Variants in GMPS observed in about 807,000 individuals in gnomAD.
The protein encoded by GMPS is GMP synthase [glutamine-hydrolyzing].
Under a neutral mutation model 77.9 loss-of-function variants are expected in GMPS, and 15 were observed. That is an observed-to-expected ratio of 0.19 (90% CI 0.13 to 0.30). The LOEUF is 0.30. Among genes scored for constraint, GMPS ranks in the 10% least tolerant of loss-of-function variants. The pLI is 1.00. For missense variants in GMPS, 590 were observed against 838.8 expected, an observed-to-expected ratio of 0.70 and a Z score of 3.66; for synonymous variants, 224 against 275.9, an observed-to-expected ratio of 0.81 and a Z score of 1.86.
rs1445087693 is a variant in GMPS, at chr3:155,938,892, TTC to T, written c.*1205_*1206del. On this transcript the variant is annotated 3_prime_UTR_variant, in exon 16 of 16. Transcript: ENST00000496455. ...ACAGTAGTAGACTTAAACTCTCCGT[TTC>T]TCTCAGTATTTTAGCTAAGAATGTT... The T allele has an allele frequency of 4.6e-6, 1 of 215,354 alleles. No individual in the cohort carries two copies. Among genetic ancestry groups the T allele is most frequent in the African/African-American group, 2.3e-5 (1 of 44,366 alleles). The allele number at this position is 215,354 out of a possible 1,614,324, so 13.3% of individuals were successfully genotyped here. A position where few individuals can be genotyped will look rare whatever the true frequency, so the allele number is the denominator to read the frequency against.
chr3:155,888,964 GCCTC>G (rs1372862066), intron 1 of GMPS, among the ~76,000 whole-genome samples: 5 of 151,842 alleles, frequency 3.3e-5, no homozygotes, highest in Non-Finnish European at 5.9e-5. Flanking sequence ...CAAGCGATCT[GCCTC>G]CCTCCACTAC....
intron 8 of GMPS, among the ~76,000 whole-genome samples, chr3:155,915,617 G>T (rs1336813110): frequency 1.3e-5 from 2 of 151,964 alleles, no homozygotes; most frequent in African/African-American, 2.4e-5. Flanking sequence ...AGTCAGGCTG[G>T]TCTCAAACTC....
In GMPS at chr3:155,939,043, A is replaced by G. The variant is rs540943599; in HGVS notation, c.*1351A>G. On this transcript the variant is annotated 3_prime_UTR_variant, in exon 16 of 16. Coordinates refer to ENST00000496455, the MANE Select transcript of GMPS (RefSeq NM_003875.3). ...TCAGTGTTAGACAAACAACAAAATG[A>G]TGCGTGGCAGAAGTCATCTTTTTAT... 1 of 218,774 alleles carries G rather than the reference A, an allele frequency of 4.6e-6. No homozygotes were observed. Among genetic ancestry groups the G allele is most frequent in the South Asian group, 1.8e-4 (1 of 5,420 alleles). 13.6% of individuals were successfully genotyped at this position (218,774 alleles called of 1,614,324 possible).
chr3:155,915,204 C>G (rs1755143307), intron 8 of GMPS, among the ~76,000 whole-genome samples: 1 of 150,842 alleles, frequency 6.6e-6, no homozygotes, highest in Non-Finnish European at 1.5e-5. Context: ...TAATTTCAAG[C>G]TCTTGAATGG....
At chr3:155,912,448 G>C (rs908251776) in intron 7 of GMPS, among the ~76,000 whole-genome samples, 1 of 152,162 alleles carries the variant, frequency 6.6e-6, no homozygotes, top group Non-Finnish European at 1.5e-5. Context: ...AAATTTGCAA[G>C]ATATTTTGAT....
intron 13 of GMPS, 27 bp downstream of exon 13, chr3:155,931,907 G>A (rs768105071): frequency 9.8e-7 from 1 of 1,018,994 alleles, no homozygotes. Context: ...CTAGGGTGGG[G>A]GCTTGTGTAA....
chr3:155,871,417 T>G (rs1334718301), intron 1 of GMPS, among the ~76,000 whole-genome samples: 1 of 152,128 alleles, frequency 6.6e-6, no homozygotes, highest in East Asian at 1.9e-4. Flanking sequence ...GTTTCCCGCC[T>G]GCCCTCGGCG....
Position 155,870,814 on chromosome 3 carries a change from C to T in GMPS, c.-57C>T, listed in dbSNP as rs1201572438. The T allele has an allele frequency of 4.0e-6, 5 of 1,237,772 alleles. No individual in the cohort carries two copies. The African/African-American group carries it at 6.3e-5, about 15-fold the overall frequency. 76.7% of individuals were successfully genotyped at this position (1,237,772 alleles called of 1,614,324 possible). A position where few individuals can be genotyped will look rare whatever the true frequency, so the allele number is the denominator to read the frequency against. On this transcript the variant is annotated 5_prime_UTR_variant, in exon 1 of 16. Coordinates refer to ENST00000496455, the MANE Select transcript of GMPS (RefSeq NM_003875.3). ...CCCGCGGCGCCGACCCTTCCGGCACCCTCCCGCCCCGTCTCGTACTGTCGC... is the reference window on the plus strand; with the variant it reads ...CCCGCGGCGCCGACCCTTCCGGCACTCTCCCGCCCCGTCTCGTACTGTCGC...
chr3:155,875,648 A>G (rs918335515), intron 1 of GMPS, among the ~76,000 whole-genome samples: 2 of 152,246 alleles, frequency 1.3e-5, no homozygotes, highest in African/African-American at 4.8e-5. Flanking sequence ...ATCAACAGAA[A>G]AATAATTGTT....
upstream of GMPS, among the ~76,000 whole-genome samples, chr3:155,870,054 A>C (rs1753862159): frequency 6.6e-6 from 1 of 151,742 alleles, no homozygotes. Context: ...CCACTCCCAA[A>C]CTCCCTTTTC....
At chr3:155,904,991 GTAT>G (rs1305530927) in intron 4 of GMPS, among the ~76,000 whole-genome samples, 1 of 151,616 alleles carries the variant, frequency 6.6e-6, no homozygotes, top group Non-Finnish European at 1.5e-5. Flanking sequence ...TTATTCCTTA[GTAT>G]TATTTATTAT....
In GMPS at chr3:155,881,449, GGCGTGAGCCAC is replaced by G. The variant is rs1213523612; in HGVS notation, c.27+10553_27+10563del. Among the ~76,000 whole-genome samples, 4 of 152,292 alleles carry G rather than the reference GGCGTGAGCCAC, an allele frequency of 2.6e-5. No homozygotes were observed. In the East Asian group the frequency reaches 7.7e-4, roughly 29 times the overall value. Reference sequence around the variant, plus strand: ...GGCTTCCCAAAGTGCTGGGGTTACAGGCGTGAGCCACTGCTCCTGGCTTGATATTAGTTTTT... The same window carrying G: ...GGCTTCCCAAAGTGCTGGGGTTACAGTGCTCCTGGCTTGATATTAGTTTTT... On this transcript the variant is annotated intron_variant, in intron 1 of 15. Coordinates refer to ENST00000496455, the MANE Select transcript of GMPS (RefSeq NM_003875.3).
At chr3:155,911,016 T>A in intron 6 of GMPS, 98 bp from the exon 7 acceptor site, 1 of 1,129,108 alleles carries the variant, frequency 8.9e-7, no homozygotes, top group Non-Finnish European at 1.3e-6. Flanking sequence ...ATACATATCT[T>A]TGGTATAAAT....
At chr3:155,907,291 A>G (rs1054609392) in intron 5 of GMPS, among the ~76,000 whole-genome samples, 1 of 152,226 alleles carries the variant, frequency 6.6e-6, no homozygotes, top group Non-Finnish European at 1.5e-5. Context: ...GGATTTAGCA[A>G]TGAATAAAAT....
At chr3:155,933,295 C>T (rs12493409) in intron 13 of GMPS, among the ~76,000 whole-genome samples, 6,618 of 152,134 alleles carry the variant, frequency 0.044, 257 homozygotes, top group East Asian at 0.18. Flanking sequence ...CCCTGTTTGC[C>T]GGTTTTTTTC....
At position 155,873,635 on chromosome 3, in the gene GMPS, G is replaced by GTTTTTTTTTTTT. The variant is rs1340921688; in HGVS notation, c.27+2740_27+2741insTTTTTTTTTTTT. On this transcript the variant is annotated intron_variant, in intron 1 of 15. Transcript: ENST00000496455. ...AGGTGTCGTTAGGTTACATGAGTAA[G>GTTTTTTTTTTTT]TTCTTTTTTTTTTTTTTGAGATGGA... 6.7e-4 allele frequency among the ~76,000 whole-genome samples: 22 copies of GTTTTTTTTTTTT among 32,690 alleles called. 1 individual carries two copies. The highest frequency in any genetic ancestry group is 1.5e-3 in the African/African-American group (14 of 9,538). The allele number at this position is 32,690 out of a possible 152,430, so 21.4% of individuals were successfully genotyped here.
chr3:155,902,615 G>GTCTT, intron 3 of GMPS, among the ~76,000 whole-genome samples: 1 of 152,124 alleles, frequency 6.6e-6, no homozygotes, highest in African/African-American at 2.4e-5. Context: ...GGCCTGCAGA[G>GTCTT]GCCAATATTT....
At chr3:155,870,509 G>A, upstream of GMPS, 1 of 222,896 alleles carries the variant, frequency 4.5e-6, no homozygotes, top group Non-Finnish European at 8.9e-6. Context: ...CTGGGGGCGG[G>A]GCCGGGCGCC....
chr3:155,928,525 T>A (rs1490659411), intron 12 of GMPS, among the ~76,000 whole-genome samples: 1 of 151,502 alleles, frequency 6.6e-6, no homozygotes, highest in Non-Finnish European at 1.5e-5. Flanking sequence ...TATTTACTTA[T>A]TTTAAAATTA....
Sources: gnomAD v4.1 joint callset for allele counts (sites outside exome capture counted in the v4.1 genomes callset) on GRCh38, gnomAD v4.1.1 for gene constraint, MANE v1.5 for transcripts, NCBI Gene and HGNC (gene_info 2026-07-23, HGNC 2026-07-21) for gene names.